The following RNF185 variants were observed in gnomAD, a reference collection of about 807,000 sequenced individuals.
RNF185 encodes ring finger protein 185.
Under a neutral mutation model 24.9 loss-of-function variants are expected in RNF185, and 13 were observed. The ratio of observed to expected loss-of-function variants is 0.52; its 90% CI spans 0.34 to 0.83. The LOEUF (loss-of-function observed/expected upper bound fraction) is 0.83. RNF185 is among the 40% of genes least tolerant of loss of function. The pLI is 0.01. For synonymous variants in RNF185, 79 were observed against 90.3 expected (o/e 0.88, Z 0.71); for missense variants, 184 against 244.7 (o/e 0.75, Z 1.65).
intron 1 of RNF185, among the ~76,000 whole-genome samples, chr22:31,181,703 A>T (rs1030768657): frequency 6.6e-6 from 1 of 152,182 alleles, no homozygotes; most frequent in Non-Finnish European, 1.5e-5. Flanking sequence ...TGTCCTTTGT[A>T]GGGACGTGGA....
chr22:31,177,986 C>A (rs1281749333), intron 1 of RNF185, among the ~76,000 whole-genome samples: 4 of 152,086 alleles, frequency 2.6e-5, no homozygotes, highest in Non-Finnish European at 5.9e-5. Flanking sequence ...GTGAGGTGGG[C>A]CAGACCAAGT....
chr22:31,175,117 G>C (rs1403021105), intron 1 of RNF185, among the ~76,000 whole-genome samples: 1 of 149,960 alleles, frequency 6.7e-6, no homozygotes, highest in Non-Finnish European at 1.5e-5. Flanking sequence ...ATGTGAAAAA[G>C]TAGGAACAGC....
intron 1 of RNF185, among the ~76,000 whole-genome samples, chr22:31,186,685 A>G (rs1287847783): frequency 6.6e-6 from 1 of 152,198 alleles, no homozygotes; most frequent in African/African-American, 2.4e-5. Flanking sequence ...TAGAGGCTGG[A>G]CAGCCTGAAC....
chr22:31,195,363 G>T (rs767551186), intron 3 of RNF185, 106 bp from the exon 4 acceptor site: 1 of 637,954 alleles, frequency 1.6e-6, no homozygotes, highest in Non-Finnish European at 2.7e-6. Context: ...GCTCATGCTG[G>T]TGTTTCCCAG....
chr22:31,171,814 C>CA, intron 1 of RNF185, among the ~76,000 whole-genome samples: 1 of 151,534 alleles, frequency 6.6e-6, no homozygotes, highest in East Asian at 2.0e-4. Context: ...ACTAAAAATA[C>CA]AAAATTAGCC....
chr22:31,161,943 G>C (rs1012911827), intron 1 of RNF185, among the ~76,000 whole-genome samples: 1 of 146,444 alleles, frequency 6.8e-6, no homozygotes, highest in Non-Finnish European at 1.5e-5. Context: ...GGCTGGTCTC[G>C]AACTCCTGAC....
intron 1 of RNF185, among the ~76,000 whole-genome samples, chr22:31,182,308 G>T (rs1252048085): frequency 6.6e-6 from 1 of 151,124 alleles, no homozygotes; most frequent in Non-Finnish European, 1.5e-5. Flanking sequence ...TATTTTTTTT[G>T]AGACAGAGTC....
At position 31,192,181 on chromosome 22, in the gene RNF185, C is replaced by G. The variant is rs370921018; in HGVS notation, c.177-503C>G. Among the ~76,000 whole-genome samples the G allele has an allele frequency of 3.7e-4, 56 of 152,314 alleles. 2 individuals carry two copies. The South Asian group carries it at 0.01, about 28-fold the overall frequency. On this transcript the variant is annotated intron_variant, in intron 2 of 6. Transcript: ENST00000326132. ...AGGACAGCCTGAAGATTTTGTTAAACTGGATCTGGACTACCTGAGAGTCCA... is the reference window on the plus strand; with the variant it reads ...AGGACAGCCTGAAGATTTTGTTAAAGTGGATCTGGACTACCTGAGAGTCCA...
intron 6 of RNF185, among the ~76,000 whole-genome samples, chr22:31,201,853 C>T (rs1469045065): frequency 6.6e-6 from 1 of 152,164 alleles, no homozygotes; most frequent in African/African-American, 2.4e-5. Flanking sequence ...AGGGGATCAT[C>T]ACAACCACCC....
At chr22:31,196,007 G>A (rs943503473) in intron 4 of RNF185, among the ~76,000 whole-genome samples, 1 of 152,158 alleles carries the variant, frequency 6.6e-6, no homozygotes, top group East Asian at 1.9e-4. Flanking sequence ...AGTATTGAGA[G>A]CCCTTCATGG....
At chr22:31,170,258 T>G (rs2047915211) in intron 1 of RNF185, among the ~76,000 whole-genome samples, 1 of 152,048 alleles carries the variant, frequency 6.6e-6, no homozygotes, top group Non-Finnish European at 1.5e-5. Context: ...GTGCAATCTC[T>G]GCTCACTGCA....
At chr22:31,175,381 T>G (rs2413032) in intron 1 of RNF185, among the ~76,000 whole-genome samples, 119,639 of 150,912 alleles carry the variant, frequency 0.79, 48,297 homozygotes, top group African/African-American at 0.95. Context: ...TTGAACCCGG[T>G]AGGTGGAGGT....
At chr22:31,168,187 A>T (rs1377397873) in intron 1 of RNF185, among the ~76,000 whole-genome samples, 2 of 152,088 alleles carry the variant, frequency 1.3e-5, no homozygotes, top group Non-Finnish European at 2.9e-5. Context: ...AGAATCATAC[A>T]GTATTTGTCC....
intron 2 of RNF185, among the ~76,000 whole-genome samples, chr22:31,190,792 T>G (rs1397690018): frequency 1.4e-5 from 2 of 146,746 alleles, no homozygotes; most frequent in African/African-American, 5.1e-5. Context: ...TTAATAGAGA[T>G]GGGGTTTCAC....
At chr22:31,182,059 A>C (rs1175951083) in intron 1 of RNF185, among the ~76,000 whole-genome samples, 1 of 151,178 alleles carries the variant, frequency 6.6e-6, no homozygotes, top group Non-Finnish European at 1.5e-5. Flanking sequence ...TTTTGTTTAA[A>C]AAAAAAAACA....
intron 1 of RNF185, among the ~76,000 whole-genome samples, chr22:31,173,263 AT>A (rs1488541559): frequency 2.1e-5 from 3 of 143,138 alleles, no homozygotes; most frequent in Admixed American, 7.0e-5. Context: ...AAAAAAAAAA[AT>A]TGACTCTAAG....
intron 5 of RNF185, among the ~76,000 whole-genome samples, chr22:31,200,177 T>G (rs1161611137): frequency 6.6e-6 from 1 of 151,934 alleles, no homozygotes; most frequent in Non-Finnish European, 1.5e-5. Context: ...AGCAACAAAG[T>G]GAGACCCTAT....
At chr22:31,193,188 C>T (rs1270461072) in intron 3 of RNF185, among the ~76,000 whole-genome samples, 2 of 152,174 alleles carry the variant, frequency 1.3e-5, no homozygotes, top group African/African-American at 2.4e-5. Context: ...TGAATAATCA[C>T]AGCCTGCTGA....
Position 31,182,468 on chromosome 22 carries a change from T to G in RNF185, c.-48-4579T>G, listed in dbSNP as rs1006512362. Among the ~76,000 whole-genome samples the G allele has an allele frequency of 3.3e-5, 5 of 152,098 alleles. No individual in the cohort carries two copies. The South Asian group carries it at 6.2e-4, about 19-fold the overall frequency. ...ACACCCAGCTAATTTTTGTTTTGTT[T>G]TATTTTGTTTTGGTAGAGATAGGGT... On this transcript the variant is annotated intron_variant, in intron 1 of 6. Transcript: ENST00000326132.
Sources: gnomAD v4.1 joint callset for allele counts (sites outside exome capture counted in the v4.1 genomes callset) on GRCh38, gnomAD v4.1.1 for gene constraint, MANE v1.5 for transcripts, NCBI Gene and HGNC (gene_info 2026-07-23, HGNC 2026-07-21) for gene names.